The following MEGF11 variants were observed in gnomAD, a reference collection of about 807,000 sequenced individuals.
MEGF11 encodes the protein multiple EGF like domains 11.
A neutral mutation model predicts 146.6 loss-of-function variants in MEGF11; 126 were observed. The observed-to-expected ratio is 0.86, with a 90% CI of 0.74 to 1.00. The LOEUF (loss-of-function observed/expected upper bound fraction) is 1.00, where lower values mean the gene tolerates loss of function less well. MEGF11 is among the 50% of genes least tolerant of loss of function. The pLI is 0.00. For synonymous variants in MEGF11, 532 were observed against 583.4 expected, an observed-to-expected ratio of 0.91 and a Z score of 1.27; for missense variants, 1,509 against 1,521.2, an observed-to-expected ratio of 0.99 and a Z score of 0.13.
At chr15:66,187,707 G>C (rs2090748736) in intron 1 of MEGF11, among the ~76,000 whole-genome samples, 1 of 151,982 alleles carries the variant, frequency 6.6e-6, no homozygotes, top group Non-Finnish European at 1.5e-5. Flanking sequence ...AATTGGCCAG[G>C]GTCGTGGGGC....
intron 18 of MEGF11, 80 bp from the exon 19 acceptor site, chr15:65,915,678 T>C: frequency 1.9e-6 from 3 of 1,541,410 alleles, no homozygotes; most frequent in Non-Finnish European, 2.6e-6. Context: ...GCTATGGCAA[T>C]AAGCCTGTTT....
At chr15:66,143,320 G>A (rs1267876770) in intron 1 of MEGF11, among the ~76,000 whole-genome samples, 1 of 152,350 alleles carries the variant, frequency 6.6e-6, no homozygotes, top group Admixed American at 6.5e-5. Flanking sequence ...GCCCTGAGCA[G>A]CACCTCCGGT....
At chr15:66,181,527 A>AACATCTACTATC (rs2090548788) in intron 1 of MEGF11, among the ~76,000 whole-genome samples, 1 of 151,574 alleles carries the variant, frequency 6.6e-6, no homozygotes, top group Admixed American at 6.6e-5. Context: ...CTTCTACTAT[A>AACATCTACTATC]ACTTCTACTA....
At chr15:65,962,079 A>G (rs1288837981) in intron 9 of MEGF11, among the ~76,000 whole-genome samples, 9 of 152,226 alleles carry the variant, frequency 5.9e-5, no homozygotes, top group Admixed American at 5.9e-4. Context: ...GGCAGGACTC[A>G]GAAGTCCCAA....
At chr15:65,952,073 T>C (rs1484655808) in intron 10 of MEGF11, among the ~76,000 whole-genome samples, 1 of 152,178 alleles carries the variant, frequency 6.6e-6, no homozygotes. Flanking sequence ...TTATTATAAT[T>C]GTTCTATTAT....
chr15:65,928,981 T>C (rs1262567772), intron 12 of MEGF11, among the ~76,000 whole-genome samples: 1 of 152,210 alleles, frequency 6.6e-6, no homozygotes, highest in Non-Finnish European at 1.5e-5. Flanking sequence ...ATATGCTCAT[T>C]AGGTATCAAG....
At chr15:66,186,034 G>T (rs1424295578) in intron 1 of MEGF11, among the ~76,000 whole-genome samples, 1 of 152,168 alleles carries the variant, frequency 6.6e-6, no homozygotes, top group African/African-American at 2.4e-5. Context: ...GAGAGGTGGG[G>T]GCAGCCCCAG....
rs2081693109 is a variant in MEGF11, at chr15:65,982,567, C to T, written c.395-79G>A. 1.4e-5 allele frequency: 20 copies of T among 1,391,924 alleles called. No homozygotes were observed. Among genetic ancestry groups the T allele is most frequent in the Non-Finnish European group, 1.9e-5 (20 of 1,072,132 alleles). 86.2% of individuals were successfully genotyped at this position (1,391,924 alleles called of 1,614,324 possible). A position where few individuals can be genotyped will look rare whatever the true frequency, so the allele number is the denominator to read the frequency against. On this transcript the variant is annotated intron_variant, in intron 5 of 25. Coordinates refer to ENST00000395614, the MANE Select transcript of MEGF11 (RefSeq NM_001385028.1). The surrounding 1 kb of genome is among the most constrained non-coding windows in gnomAD (Gnocchi z 5.6). Reference sequence around the variant, plus strand: ...CAGGGGCCAGGAACCGATGCCCATGCGGCCTTCCCATCTTTGCAGCGCTGC... The same window carrying T: ...CAGGGGCCAGGAACCGATGCCCATGTGGCCTTCCCATCTTTGCAGCGCTGC...
At chr15:66,005,754 G>C (rs941384317) in intron 5 of MEGF11, among the ~76,000 whole-genome samples, 3 of 152,198 alleles carry the variant, frequency 2.0e-5, no homozygotes, top group African/African-American at 4.8e-5. Flanking sequence ...CAGTGTCATC[G>C]TGTCCAGGAA....
At chr15:66,073,419 A>T (rs972570129) in intron 5 of MEGF11, among the ~76,000 whole-genome samples, 16 of 152,276 alleles carry the variant, frequency 1.1e-4, no homozygotes, top group African/African-American at 3.6e-4. Flanking sequence ...CCTGTGATGA[A>T]TTAGACCCAC....
At chr15:66,090,597 A>G (rs1188555124) in intron 5 of MEGF11, among the ~76,000 whole-genome samples, 2 of 152,234 alleles carry the variant, frequency 1.3e-5, no homozygotes, top group Non-Finnish European at 2.9e-5. Context: ...TACTCACCAC[A>G]TGCTTTCTAA....
At chr15:65,967,358 G>T (rs548144389) in intron 8 of MEGF11, among the ~76,000 whole-genome samples, 171 of 152,264 alleles carry the variant, frequency 1.1e-3, no homozygotes, top group African/African-American at 3.9e-3. Flanking sequence ...GTGGATTTAA[G>T]GAGTTAGTGT....
Position 65,965,009 on chromosome 15 carries a change from A to C in MEGF11, c.1011T>G (p.Pro337=). ...CCTGGCAGCGTGGGCCCTTGTAGCC[A>C]GGCTCACACTCGCAGGCACCCGTGG... is the stretch of plus-strand genomic sequence containing the variant. ...SPTTGACECE[P]GYKGPRCQER... is the part of the protein sequence containing the mutation. The change falls in exon 9 of 26, where the codon CCT becomes CCG. Residue 337 remains proline, a synonymous_variant. Transcript: ENST00000395614. 1 of 1,572,440 alleles carries C rather than the reference A, an allele frequency of 6.4e-7. No homozygotes were observed. The highest frequency in any genetic ancestry group is 1.8e-5 in the Admixed American group (1 of 54,482).
At chr15:66,021,964 G>A (rs933179953) in intron 5 of MEGF11, among the ~76,000 whole-genome samples, 2 of 152,220 alleles carry the variant, frequency 1.3e-5, no homozygotes, top group African/African-American at 2.4e-5. Flanking sequence ...AGGGAAGGGC[G>A]GGCACAGGGA....
chr15:66,167,347 A>G (rs2090124921), intron 1 of MEGF11, among the ~76,000 whole-genome samples: 1 of 152,174 alleles, frequency 6.6e-6, no homozygotes, highest in African/African-American at 2.4e-5. Flanking sequence ...ACAGCTAAAG[A>G]AGGCCCATGG....
chr15:66,117,859 C>T (rs969663071), intron 4 of MEGF11, among the ~76,000 whole-genome samples: 49 of 152,308 alleles, frequency 3.2e-4, no homozygotes, highest in African/African-American at 1.2e-3. Context: ...TGTATCTTTC[C>T]TACAAAACCA....
chr15:66,038,215 C>T (rs915834923), intron 5 of MEGF11, among the ~76,000 whole-genome samples: 10 of 152,216 alleles, frequency 6.6e-5, no homozygotes, highest in South Asian at 2.1e-4. Flanking sequence ...TCTTCAAAGA[C>T]GGGGTGACGG....
intron 11 of MEGF11, among the ~76,000 whole-genome samples, chr15:65,930,427 C>T (rs1307549104): frequency 1.3e-5 from 2 of 152,140 alleles, no homozygotes; most frequent in African/African-American, 4.8e-5. Flanking sequence ...CTTTCTCTGC[C>T]TGGGGCCTCA....
At chr15:66,085,752 A>G (rs371954034) in intron 5 of MEGF11, among the ~76,000 whole-genome samples, 1 of 152,360 alleles carries the variant, frequency 6.6e-6, no homozygotes, top group Admixed American at 6.5e-5. Flanking sequence ...CCCTGGTAAT[A>G]TGACAAAACA....
Sources: allele counts gnomAD v4.1 joint callset (sites outside exome capture counted in the v4.1 genomes callset), GRCh38; gene constraint gnomAD v4.1.1; non-coding constraint Gnocchi (gnomAD v3.1); transcripts MANE v1.5; gene names NCBI Gene and HGNC (gene_info 2026-07-23, HGNC 2026-07-21).